Variants in ZPBP observed in about 807,000 individuals in gnomAD.
The protein encoded by ZPBP is zona pellucida-binding protein 1.
A neutral mutation model predicts 44.8 loss-of-function variants in ZPBP; 26 were observed. That is an observed-to-expected ratio of 0.58 (90% CI 0.43 to 0.81). The LOEUF is 0.81. ZPBP is among the 30% of genes least tolerant of loss of function. The pLI, the probability that ZPBP is intolerant of heterozygous loss-of-function variation, is 0.00. For missense variants in ZPBP, 409 were observed against 434.0 expected, an observed-to-expected ratio of 0.94 and a Z score of 0.51; for synonymous variants, 174 against 153.2, an observed-to-expected ratio of 1.14 and a Z score of -1.00.
At chr7:50,028,950 C>A (rs544804147) in intron 5 of ZPBP, among the ~76,000 whole-genome samples, 34 of 152,236 alleles carry the variant, frequency 2.2e-4, no homozygotes, top group African/African-American at 8.2e-4. Flanking sequence ...AAATCCCTAT[C>A]AAAACCCCAA....
chr7:49,874,975 T>C (rs1430916363), intron 2 of ZPBP, among the ~76,000 whole-genome samples: 1 of 152,034 alleles, frequency 6.6e-6, no homozygotes, highest in Non-Finnish European at 1.5e-5. Context: ...GTCTTTGAAA[T>C]AGTTTCATCG....
At chr7:50,038,159 G>A (rs1799905409) in intron 4 of ZPBP, among the ~76,000 whole-genome samples, 1 of 152,118 alleles carries the variant, frequency 6.6e-6, no homozygotes, top group African/African-American at 2.4e-5. Context: ...CCTAAAGCAG[G>A]GTGTCACTCA....
chr7:49,936,525 A>C (rs1485078868), downstream of ZPBP, among the ~76,000 whole-genome samples: 1 of 152,218 alleles, frequency 6.6e-6, no homozygotes, highest in Non-Finnish European at 1.5e-5. Flanking sequence ...GATCCAGCAT[A>C]GGGTATGTTT....
At chr7:49,992,974 TAA>T (rs573776037) in intron 6 of ZPBP, among the ~76,000 whole-genome samples, 61 of 151,976 alleles carry the variant, frequency 4.0e-4, no homozygotes, top group Admixed American at 6.6e-4. Context: ...TACTAGAAAC[TAA>T]AACAGTGAAA....
rs540689752 is a variant in ZPBP at position 49,941,364 on chromosome 7, T to C, written c.962-3742A>G. Among the ~76,000 whole-genome samples, 36 of 152,242 alleles carry C rather than the reference T, an allele frequency of 2.4e-4. No homozygotes were observed. In the East Asian group the frequency reaches 6.9e-3, roughly 29 times the overall value. On this transcript the variant is annotated intron_variant, in intron 7 of 7. Transcript: ENST00000046087. Reference sequence around the variant, plus strand: ...CCATGCACCCATGTCCATTGTCACATTATTCACAATGGCCAAAAGGTGGAA... The same window carrying C: ...CCATGCACCCATGTCCATTGTCACACTATTCACAATGGCCAAAAGGTGGAA...
At chr7:50,004,316 T>C (rs1562838359) in intron 6 of ZPBP, among the ~76,000 whole-genome samples, 4 of 152,106 alleles carry the variant, frequency 2.6e-5, no homozygotes, top group Non-Finnish European at 4.4e-5. Flanking sequence ...TTTTTAGCCT[T>C]TGGACTCAGG....
intron 2 of ZPBP, among the ~76,000 whole-genome samples, chr7:49,857,009 C>CAAAAGAAAAAAAAA (rs1790450591): frequency 1.9e-5 from 1 of 52,764 alleles, no homozygotes; most frequent in Non-Finnish European, 3.1e-5. Flanking sequence ...GATACTGTCT[C>CAAAAGAAAAAAAAA]AAAAAAAAAA....
At chr7:49,986,643 T>C (rs1423844499) in intron 6 of ZPBP, among the ~76,000 whole-genome samples, 1 of 152,244 alleles carries the variant, frequency 6.6e-6, no homozygotes, top group Non-Finnish European at 1.5e-5. Flanking sequence ...TTTTTCTTTT[T>C]TTTTTCTCCA....
At chr7:49,897,668 G>T (rs1792456418) in intron 2 of ZPBP, among the ~76,000 whole-genome samples, 1 of 152,210 alleles carries the variant, frequency 6.6e-6, no homozygotes, top group Non-Finnish European at 1.5e-5. Context: ...GGCAAATACA[G>T]AAAATCACAA....
chr7:50,035,486 A>G (rs1433375758), intron 4 of ZPBP, among the ~76,000 whole-genome samples: 2 of 152,208 alleles, frequency 1.3e-5, no homozygotes, highest in African/African-American at 4.8e-5. Flanking sequence ...CACTTTACTG[A>G]TCCCTTGAAA....
chr7:49,987,827 T>C (rs779941688), intron 6 of ZPBP, among the ~76,000 whole-genome samples: 21 of 151,674 alleles, frequency 1.4e-4, no homozygotes, highest in Non-Finnish European at 2.6e-4. Flanking sequence ...AGCACTTGGA[T>C]CAAATATTTT....
chr7:50,005,448 C>T (rs1798264394), intron 6 of ZPBP, among the ~76,000 whole-genome samples: 2 of 151,870 alleles, frequency 1.3e-5, no homozygotes, highest in Admixed American at 1.3e-4. Context: ...TATTAATGGA[C>T]ACACAGAATA....
chr7:50,012,309 A>G (rs754904420), intron 6 of ZPBP, among the ~76,000 whole-genome samples: 32 of 152,146 alleles, frequency 2.1e-4, no homozygotes, highest in African/African-American at 7.0e-4. Flanking sequence ...TTGAAAACCT[A>G]CCCACAAAGA....
intron 3 of ZPBP, among the ~76,000 whole-genome samples, chr7:50,078,866 A>T (rs192739403): frequency 1.1e-3 from 165 of 151,714 alleles, no homozygotes; most frequent in Non-Finnish European, 1.9e-3. Context: ...AACAAACAAA[A>T]ATCAAGCAAC....
chr7:49,852,783 C>T (rs535538666), intron 2 of ZPBP, among the ~76,000 whole-genome samples: 1 of 152,302 alleles, frequency 6.6e-6, no homozygotes, highest in African/African-American at 2.4e-5. Flanking sequence ...TCCCTCTGCT[C>T]TCAAACTCCC....
intron 6 of ZPBP, among the ~76,000 whole-genome samples, chr7:49,984,879 A>T (rs1290578436): frequency 6.6e-6 from 1 of 152,090 alleles, no homozygotes; most frequent in Non-Finnish European, 1.5e-5. Flanking sequence ...CCTTTCCTTC[A>T]ATGTCATTTT....
At chr7:49,961,084 T>C (rs191465884) in intron 7 of ZPBP, among the ~76,000 whole-genome samples, 42 of 152,258 alleles carry the variant, frequency 2.8e-4, no homozygotes, top group African/African-American at 9.4e-4. Context: ...ACACTAACCA[T>C]ATGACCCAGC....
chr7:49,964,792 T>C (rs751316992), intron 7 of ZPBP, among the ~76,000 whole-genome samples: 11 of 152,122 alleles, frequency 7.2e-5, no homozygotes, highest in African/African-American at 1.2e-4. Flanking sequence ...AATTCAGCAG[T>C]GGGGTCTGAG....
At chr7:50,064,533 G>A (rs1267477041) in intron 3 of ZPBP, among the ~76,000 whole-genome samples, 1 of 152,124 alleles carries the variant, frequency 6.6e-6, no homozygotes, top group African/African-American at 2.4e-5. Context: ...AGACAGCTAC[G>A]CCCAGGGGGC....
Sources: allele counts gnomAD v4.1 joint callset (sites outside exome capture counted in the v4.1 genomes callset), GRCh38; gene constraint gnomAD v4.1.1; transcripts MANE v1.5; gene names NCBI Gene and HGNC (gene_info 2026-07-23, HGNC 2026-07-21).